RABGEF1: variants seen among roughly 807,000 people sequenced by gnomAD.
RABGEF1 encodes rab5 GDP/GTP exchange factor.
RABGEF1 carries 26 observed loss-of-function variants against 57.3 expected under a neutral mutation model. The observed-to-expected ratio is 0.45, with a 90% confidence interval of 0.33 to 0.63. The LOEUF (loss-of-function observed/expected upper bound fraction) is 0.63, where lower values mean the gene tolerates loss of function less well. Among genes scored for constraint, RABGEF1 ranks in the 20% least tolerant of loss-of-function variants. The pLI, the probability that RABGEF1 is intolerant of heterozygous loss-of-function variation, is 0.02. For synonymous variants in RABGEF1, 185 were observed against 210.7 expected, an observed-to-expected ratio of 0.88 and a Z score of 1.06; for missense variants, 464 against 607.6, an observed-to-expected ratio of 0.76 and a Z score of 2.48.
upstream of RABGEF1, among the ~76,000 whole-genome samples, chr7:66,678,288 G>A (rs1481566429): frequency 3.3e-5 from 5 of 151,990 alleles, no homozygotes; most frequent in South Asian, 2.1e-4. Context: ...CCAGTAGGCC[G>A]GGCGCGGTGG....
intron 2 of RABGEF1, among the ~76,000 whole-genome samples, chr7:66,723,973 CATGTTT>C (rs1404256044): frequency 6.6e-6 from 1 of 152,106 alleles, no homozygotes; most frequent in Non-Finnish European, 1.5e-5. Flanking sequence ...TCTTGTATTT[CATGTTT>C]ATGTTTATCT....
At chr7:66,680,211 C>G (rs1042905964), upstream of RABGEF1, among the ~76,000 whole-genome samples, 21 of 152,020 alleles carry the variant, frequency 1.4e-4, no homozygotes, top group African/African-American at 4.8e-4. Flanking sequence ...TTATTGGCTC[C>G]TCCACCTCCT....
chr7:66,658,411 T>C, the RABGEF1 span, among the ~76,000 whole-genome samples: 100,079 of 151,668 alleles, frequency 0.66, 33,394 homozygotes, highest in African/African-American at 0.76. Context: ...CAGGCGCCTG[T>C]AATCACAGCA....
At chr7:66,669,911 C>T in the RABGEF1 span, 1 of 152,322 alleles carries the variant, frequency 6.6e-6, no homozygotes, top group Admixed American at 6.5e-5. Context: ...ATCCCTACCC[C>T]ACTTCCCTCT....
At position 66,707,734 on chromosome 7, in the gene RABGEF1, T is replaced by C. The variant is rs114027833; in HGVS notation, c.-872-4433T>C. On this transcript the variant is annotated intron_variant and NMD_transcript_variant, in intron 1 of 9. Coordinates refer to the RABGEF1 transcript ENST00000607882. ...GAAGTGGCTAAATATTATTGGTGTA[T>C]TGTTTATCTTCCCTCCAATTACTGC... 6.5e-3 allele frequency among the ~76,000 whole-genome samples: 992 copies of C among 152,256 alleles called. 15 individuals carry two copies. Among genetic ancestry groups the C allele is most frequent in the African/African-American group, 0.022 (927 of 41,536 alleles).
chr7:66,719,583 G>T (rs143132006), intron 2 of RABGEF1, among the ~76,000 whole-genome samples: 2 of 152,222 alleles, frequency 1.3e-5, no homozygotes, highest in East Asian at 3.9e-4. Flanking sequence ...ATTAAGGAGG[G>T]AGTAATATGA....
upstream of RABGEF1, among the ~76,000 whole-genome samples, chr7:66,735,856 T>C (rs190740426): frequency 7.9e-5 from 12 of 152,346 alleles, no homozygotes; most frequent in African/African-American, 2.6e-4. Context: ...GTCTCAGGCA[T>C]TTCTTTATAG....
chr7:66,721,296 G>T (rs1032919515), intron 2 of RABGEF1, among the ~76,000 whole-genome samples: 2 of 152,192 alleles, frequency 1.3e-5, no homozygotes, highest in African/African-American at 4.8e-5. Context: ...GTATATTAGT[G>T]TCTTACTGCT....
chr7:66,793,891 C>T lies in RABGEF1; in HGVS notation c.514-1620C>T, dbSNP rs182587956. Among the ~76,000 whole-genome samples the T allele has an allele frequency of 2.0e-5, 3 of 152,280 alleles. No individual in the cohort carries two copies. In the East Asian group the frequency reaches 5.8e-4, roughly 29 times the overall value. On this transcript the variant is annotated intron_variant, in intron 4 of 8. Transcript: ENST00000284957. ...GCCCTTGGCGTGTGAGGTCAGTGGC[C>T]TGTGTAGATGAAGTCTGTGACAGCC...
the RABGEF1 span, among the ~76,000 whole-genome samples, chr7:66,662,908 A>G: frequency 1.4e-5 from 2 of 147,588 alleles, no homozygotes; most frequent in Admixed American, 6.7e-5. Flanking sequence ...TGCATGTGCA[A>G]GGTGTGTGTT....
intron 1 of RABGEF1, among the ~76,000 whole-genome samples, chr7:66,693,499 A>T (rs1222817923): frequency 6.6e-6 from 1 of 151,848 alleles, no homozygotes. Context: ...AGACACAGCC[A>T]AGTGTCTGGT....
intron 2 of RABGEF1, among the ~76,000 whole-genome samples, chr7:66,716,116 T>C (rs1238501643): frequency 6.6e-6 from 1 of 152,244 alleles, no homozygotes; most frequent in Non-Finnish European, 1.5e-5. Flanking sequence ...GGTCTGTTTT[T>C]AGATGTGTAC....
At chr7:66,741,602 A>C (rs1482961176) in intron 1 of RABGEF1, among the ~76,000 whole-genome samples, 1 of 152,064 alleles carries the variant, frequency 6.6e-6, no homozygotes, top group Non-Finnish European at 1.5e-5. Flanking sequence ...ATTAGGTAGG[A>C]AATTTTCCCA....
intron 1 of RABGEF1, among the ~76,000 whole-genome samples, chr7:66,706,512 C>T (rs1201391533): frequency 2.6e-5 from 4 of 151,754 alleles, no homozygotes; most frequent in African/African-American, 7.3e-5. Flanking sequence ...CGGGTTCAAG[C>T]GATTCTCCTG....
the RABGEF1 span, among the ~76,000 whole-genome samples, chr7:66,671,034 G>T: frequency 2.6e-3 from 401 of 151,794 alleles, no homozygotes; most frequent in African/African-American, 6.6e-3. Flanking sequence ...TATATATATA[G>T]AGAGAGAGAT....
At chr7:66,758,500 A>G (rs1803347656) in intron 1 of RABGEF1, among the ~76,000 whole-genome samples, 1 of 152,212 alleles carries the variant, frequency 6.6e-6, no homozygotes, top group African/African-American at 2.4e-5. Flanking sequence ...CAGTGCTCCA[A>G]CAGGAGCGAT....
At chr7:66,763,004 A>T (rs920360822) in intron 1 of RABGEF1, among the ~76,000 whole-genome samples, 1 of 152,100 alleles carries the variant, frequency 6.6e-6, no homozygotes, top group Non-Finnish European at 1.5e-5. Flanking sequence ...TTTATTTTTT[A>T]TTTTTATTTT....
chr7:66,698,475 T>C (rs1186569034), intron 1 of RABGEF1, among the ~76,000 whole-genome samples: 1 of 152,180 alleles, frequency 6.6e-6, no homozygotes, highest in Non-Finnish European at 1.5e-5. Flanking sequence ...CCGTTATTTC[T>C]AGGTCAGGCG....
intron 1 of RABGEF1, among the ~76,000 whole-genome samples, chr7:66,753,629 G>GT (rs1419192313): frequency 1.3e-5 from 2 of 149,788 alleles, no homozygotes; most frequent in Non-Finnish European, 3.0e-5. Flanking sequence ...AGCTCTCCCT[G>GT]GTATTTCTTC....
Sources: allele counts gnomAD v4.1 joint callset (sites outside exome capture counted in the v4.1 genomes callset), GRCh38; gene constraint gnomAD v4.1.1; transcripts MANE v1.5; gene names NCBI Gene and HGNC (gene_info 2026-07-23, HGNC 2026-07-21).